L3MBTL4: variants seen among roughly 807,000 people sequenced by gnomAD.
L3MBTL4 encodes the protein lethal(3)malignant brain tumor-like protein 4.
Under a neutral mutation model 84.5 loss-of-function variants are expected in L3MBTL4, and 70 were observed. That is an observed-to-expected ratio of 0.83 (90% CI 0.68 to 1.01). The LOEUF (loss-of-function observed/expected upper bound fraction) is 1.01. Among genes scored for constraint, L3MBTL4 ranks in the 50% least tolerant of loss-of-function variants. The probability of loss-of-function intolerance (pLI) is 0.00; values close to 1 mark genes in which losing one functional copy is unlikely to be tolerated. For missense variants in L3MBTL4, 715 were observed against 754.8 expected (o/e 0.95, Z 0.62); for synonymous variants, 274 against 259.8 (o/e 1.05, Z -0.52).
At chr18:6,216,225 A>C (rs2145832904) in intron 10 of L3MBTL4, among the ~76,000 whole-genome samples, 1 of 152,338 alleles carries the variant, frequency 6.6e-6, no homozygotes, top group East Asian at 1.9e-4. Flanking sequence ...TGGAAAAAAA[A>C]GACTCTGAAA....
At chr18:6,367,847 C>T (rs958434380) in intron 1 of L3MBTL4, among the ~76,000 whole-genome samples, 5 of 152,130 alleles carry the variant, frequency 3.3e-5, no homozygotes, top group African/African-American at 9.7e-5. Context: ...GATACGGATT[C>T]GGCATTACCT....
intron 15 of L3MBTL4, among the ~76,000 whole-genome samples, chr18:6,085,131 T>C (rs2058216171): frequency 2.6e-5 from 4 of 152,206 alleles, no homozygotes; most frequent in Admixed American, 2.6e-4. Flanking sequence ...AATGAACCCT[T>C]TTAAAATATA....
chr18:6,073,830 T>C (rs1046095584), intron 16 of L3MBTL4, among the ~76,000 whole-genome samples: 2 of 152,240 alleles, frequency 1.3e-5, no homozygotes, highest in African/African-American at 4.8e-5. Context: ...TTATAACATT[T>C]AATACATTGA....
At chr18:6,330,842 G>GA (rs1408429228) in intron 1 of L3MBTL4, among the ~76,000 whole-genome samples, 1 of 152,044 alleles carries the variant, frequency 6.6e-6, no homozygotes, top group Non-Finnish European at 1.5e-5. Context: ...ATTCTAACTA[G>GA]AAAAAATCTT....
intron 12 of L3MBTL4, among the ~76,000 whole-genome samples, chr18:6,196,175 T>TTTTTTTTA: frequency 1.3e-5 from 2 of 149,756 alleles, no homozygotes; most frequent in African/African-American, 5.0e-5. Flanking sequence ...TTTTTTTTTT[T>TTTTTTTTA]GAGACTGAGT....
chr18:5,972,725 G>C (rs1432553740), intron 16 of L3MBTL4, among the ~76,000 whole-genome samples: 1 of 152,066 alleles, frequency 6.6e-6, no homozygotes, highest in Non-Finnish European at 1.5e-5. Flanking sequence ...GTGTGTACTT[G>C]CCTCAGGAGC....
chr18:6,250,332 T>A (rs114616533), intron 5 of L3MBTL4, among the ~76,000 whole-genome samples: 1,603 of 152,258 alleles, frequency 0.011, 29 homozygotes, highest in Middle Eastern at 0.044. Flanking sequence ...CTAGAGAAAC[T>A]GAAGACAAGC....
At chr18:6,187,243 C>T (rs1360103285) in intron 12 of L3MBTL4, among the ~76,000 whole-genome samples, 2 of 151,696 alleles carry the variant, frequency 1.3e-5, no homozygotes, top group East Asian at 3.9e-4. Context: ...GGAGTAGATG[C>T]TTTTTTTTAG....
At chr18:6,221,439 G>GTCTATTGGATCTGCCAAGGGTCTATCAC (rs2046549076) in intron 10 of L3MBTL4, among the ~76,000 whole-genome samples, 4 of 149,020 alleles carry the variant, frequency 2.7e-5, no homozygotes, top group African/African-American at 1.0e-4. Flanking sequence ...ACAATAGACA[G>GTCTATTGGATCTGCCAAGGGTCTATCAC]AATGTTCAGC....
chr18:6,272,155 G>A (rs1438818548), intron 4 of L3MBTL4, among the ~76,000 whole-genome samples: 4 of 152,212 alleles, frequency 2.6e-5, no homozygotes, highest in African/African-American at 9.6e-5. Context: ...AAGCCTCTCA[G>A]AAAAGAGGGA....
intron 16 of L3MBTL4, among the ~76,000 whole-genome samples, chr18:6,070,358 C>T (rs919407198): frequency 2.6e-5 from 4 of 152,040 alleles, no homozygotes; most frequent in Non-Finnish European, 4.4e-5. Flanking sequence ...CAGCTGACTT[C>T]TTGAGAGAAA....
At chr18:6,127,988 A>G (rs922678107) in intron 14 of L3MBTL4, among the ~76,000 whole-genome samples, 2 of 147,732 alleles carry the variant, frequency 1.4e-5, no homozygotes, top group African/African-American at 5.1e-5. Context: ...AATGGGAAGA[A>G]GCCAACCAAC....
At chr18:6,039,632 C>A (rs538728975) in intron 16 of L3MBTL4, among the ~76,000 whole-genome samples, 2 of 152,174 alleles carry the variant, frequency 1.3e-5, no homozygotes, top group Non-Finnish European at 2.9e-5. Context: ...CACACATACA[C>A]GCATACCCTC....
At chr18:6,213,346 T>G in intron 11 of L3MBTL4, 87 bp from the exon 12 acceptor site, 1 of 669,606 alleles carries the variant, frequency 1.5e-6, no homozygotes, top group Non-Finnish European at 2.6e-6. Flanking sequence ...ACTACTGTTT[T>G]AGTTTTAATA....
At chr18:6,343,778 C>T (rs1293601823) in intron 1 of L3MBTL4, among the ~76,000 whole-genome samples, 1 of 150,942 alleles carries the variant, frequency 6.6e-6, no homozygotes, top group African/African-American at 2.4e-5. Flanking sequence ...ATATGTGTAA[C>T]TTAAGCAACA....
intron 12 of L3MBTL4, among the ~76,000 whole-genome samples, chr18:6,186,533 CT>C (rs1207489648): frequency 3.3e-5 from 5 of 152,136 alleles, no homozygotes; most frequent in African/African-American, 1.2e-4. Flanking sequence ...AATGAGAAGC[CT>C]CAGCTCTCTC....
At chr18:6,011,066 G>C (rs1415732649) in intron 16 of L3MBTL4, among the ~76,000 whole-genome samples, 2 of 152,198 alleles carry the variant, frequency 1.3e-5, no homozygotes, top group African/African-American at 4.8e-5. Flanking sequence ...GCCGGCATGG[G>C]AAGGGTTTAT....
chr18:5,957,275 T>A (rs1007857554), intron 18 of L3MBTL4, among the ~76,000 whole-genome samples: 1 of 151,276 alleles, frequency 6.6e-6, no homozygotes, highest in African/African-American at 2.4e-5. Flanking sequence ...ATGGCATGGG[T>A]GGTAATGGAA....
At chr18:6,002,408 A>T (rs2054253111) in intron 16 of L3MBTL4, among the ~76,000 whole-genome samples, 1 of 152,166 alleles carries the variant, frequency 6.6e-6, no homozygotes. Flanking sequence ...AAAAAACAGT[A>T]TTACTGTAAT....
Sources: allele counts gnomAD v4.1 joint callset (sites outside exome capture counted in the v4.1 genomes callset), GRCh38; gene constraint gnomAD v4.1.1; transcripts MANE v1.5; gene names NCBI Gene and HGNC (gene_info 2026-07-23, HGNC 2026-07-21).